Variants in PHF23 observed in about 807,000 individuals in gnomAD.
The protein encoded by PHF23 is PDH-containing protein JUNE-1.
Under a neutral mutation model 36.0 loss-of-function variants are expected in PHF23, and 3 were observed. The ratio of observed to expected loss-of-function variants is 0.08; its 90% CI spans 0.04 to 0.22. The LOEUF is 0.22. Ranked by LOEUF, PHF23 falls within the 10% of genes least tolerant of loss-of-function variation. The pLI is 1.00. For synonymous variants in PHF23, 242 were observed against 192.5 expected, an observed-to-expected ratio of 1.26 and a Z score of -2.13; for missense variants, 475 against 513.6, an observed-to-expected ratio of 0.92 and a Z score of 0.73.
chr17:7,237,205 C>T (rs758095245), intron 3 of PHF23, among the ~76,000 whole-genome samples, 180 bp downstream of exon 3: 4 of 152,288 alleles, frequency 2.6e-5, no homozygotes, highest in African/African-American at 4.8e-5. Flanking sequence ...CTAGCTATCC[C>T]GGCCATCCAC....
At chr17:7,237,528 G>C (rs1488539166) in intron 2 of PHF23, 51 bp from the exon 3 acceptor site, 1 of 1,606,094 alleles carries the variant, frequency 6.2e-7, no homozygotes, top group Non-Finnish European at 8.5e-7. Flanking sequence ...GTTTAAGAAT[G>C]GCATTCCCAG....
chr17:7,240,562 A>C (rs908278014), upstream of PHF23: 2 of 317,354 alleles, frequency 6.3e-6, no homozygotes, highest in Non-Finnish European at 1.2e-5. Context: ...CAGAAAGGGA[A>C]CAGAAACCAA....
Position 7,236,423 on chromosome 17 carries a change from G to A in PHF23, c.504C>T (p.Pro168=). 3.1e-6 allele frequency: 5 copies of A among 1,613,728 alleles called. No homozygotes were observed. The highest frequency in any genetic ancestry group is 4.2e-6 in the Non-Finnish European group (5 of 1,179,920). The change falls in exon 4 of 5, where the codon CCC becomes CCT. Residue 168 remains proline (P), a synonymous_variant. Coordinates refer to ENST00000320316, the MANE Select transcript of PHF23 (RefSeq NM_024297.3). This position sits in a 1 kb window ranked among gnomAD's most constrained non-coding sequence, Gnocchi z 5.1. ...SRPPAALTPV[P]LSQGDLSHPP... is the part of the protein sequence containing the mutation. Reference sequence around the variant, plus strand: ...GATGGGAGAGGTCCCCCTGGGAAAGGGGCACGGGGGTAAGAGCAGCAGGGG... The same window carrying A: ...GATGGGAGAGGTCCCCCTGGGAAAGAGGCACGGGGGTAAGAGCAGCAGGGG...
Position 7,237,439 on chromosome 17 carries a change from G to A in PHF23, c.105C>T (p.Asn35=), listed in dbSNP as rs1212375244. The A allele has an allele frequency of 1.9e-6, 3 of 1,614,004 alleles. No individual in the cohort carries two copies. Among genetic ancestry groups the A allele is most frequent in the Non-Finnish European group, 2.5e-6 (3 of 1,180,002 alleles). ...EKRRRTIEDF[N]KFCSFVLAYA... ...ATGCCAAAACAAAACTGCAGAATTT[G>A]TTGAAATCCTCAATTGTTCTCCGCC... Residue 35 remains asparagine, a synonymous_variant, in exon 3 of 5, where the codon AAC becomes AAT. Transcript: ENST00000320316.
chr17:7,235,894 A>T, intron 4 of PHF23, 36 bp downstream of exon 4: 1 of 1,612,464 alleles, frequency 6.2e-7, no homozygotes, highest in Non-Finnish European at 8.5e-7. Flanking sequence ...GATCCACAAC[A>T]CCCTCAAACC....
Position 7,236,560 on chromosome 17 carries a change from C to A in PHF23, c.367G>T (p.Asp123Tyr), listed in dbSNP as rs763497608. 6.2e-7 allele frequency: 1 copy of A among 1,614,034 alleles called. No homozygotes were observed. Among genetic ancestry groups the A allele is most frequent in the Non-Finnish European group, 8.5e-7 (1 of 1,180,046 alleles). The change falls in exon 4 of 5, where the codon GAC becomes TAC. Residue 123 changes from aspartate (D) to tyrosine (Y), a missense_variant. By Grantham distance (160) the Asp-to-Tyr change is radical (BLOSUM62 -3). This residue lies in a region of PHF23 where 350 missense variants were observed against 319.8 expected (regional missense o/e 1.09). Transcript: ENST00000320316. This position sits in a 1 kb window ranked among gnomAD's most constrained non-coding sequence, Gnocchi z 5.1. Reference sequence around the variant, plus strand: ...ATCTTCTCAAGCAAGGTAGCACTGTCGGGGGCCTGCAGACGAGAGAAAGTG... The same window carrying A: ...ATCTTCTCAAGCAAGGTAGCACTGTAGGGGGCCTGCAGACGAGAGAAAGTG... ...RSTFSRLQAP[D>Y]SATLLEKMKL...
In PHF23 at chr17:7,236,599, C is replaced by T; in HGVS notation, c.328G>A (p.Gly110Arg). 3 of 1,614,186 alleles carry T rather than the reference C, an allele frequency of 1.9e-6. No homozygotes were observed. Among genetic ancestry groups the T allele is most frequent in the South Asian group, 1.1e-5 (1 of 91,084 alleles). ...RAAQAGPTQP[G>R]PPRSTFSRLQ... The stretch of plus-strand genomic sequence containing the variant: ...CGAGAGAAAGTGGACCTTGGGGGTC[C>T]TGGCTGGGTGGGACCTGCTTGAGCT... Residue 110 changes from glycine (G) to arginine (R), a missense_variant, in exon 4 of 5, where the codon GGA becomes AGA. Coordinates refer to ENST00000320316, the MANE Select transcript of PHF23 (RefSeq NM_024297.3). This position sits in a 1 kb window ranked among gnomAD's most constrained non-coding sequence, Gnocchi z 5.1.
Position 7,236,252 on chromosome 17 carries a change from CTTT to C in PHF23, c.672_674del (p.Lys225del), listed in dbSNP as rs745356125. 27 of 1,613,566 alleles carry C rather than the reference CTTT, an allele frequency of 1.7e-5. No individual in the cohort carries two copies. The highest frequency in any genetic ancestry group is 6.7e-5 in the Admixed American group (4 of 59,954). On this transcript the variant is annotated inframe_deletion, in exon 4 of 5. Coordinates refer to ENST00000320316, the MANE Select transcript of PHF23 (RefSeq NM_024297.3). The surrounding 1 kb of genome is among the most constrained non-coding windows in gnomAD (Gnocchi z 5.1). ...GTGGGAGTCTATCCCCCCGTTCTGCCTTTTTTAACTTCCGCTTCTTGCTCTTCT... is the reference window on the plus strand; with the variant it reads ...GTGGGAGTCTATCCCCCCGTTCTGCCTTTAACTTCCGCTTCTTGCTCTTCT...
chr17:7,237,884 C>T (rs914461407), intron 1 of PHF23: 9 of 574,320 alleles, frequency 1.6e-5, no homozygotes, highest in Non-Finnish European at 2.8e-5. Context: ...CGCTCCCCTT[C>T]CCCCAACCGG....
At chr17:7,238,858 C>T (rs1281707042) in intron 1 of PHF23, 2 of 1,534,168 alleles carry the variant, frequency 1.3e-6, no homozygotes, top group African/African-American at 2.8e-5. Context: ...CAAACTACCC[C>T]ACCTCGGCGA....
upstream of PHF23, chr17:7,239,516 C>T (rs2071750347): frequency 3.7e-6 from 1 of 269,754 alleles, no homozygotes; most frequent in Non-Finnish European, 7.1e-6. Flanking sequence ...TCCTCCTCCT[C>T]CACCTCCTCT....
At chr17:7,240,828 C>T (rs1327359091), upstream of PHF23, 1 of 1,548,584 alleles carries the variant, frequency 6.5e-7, no homozygotes, top group Non-Finnish European at 8.9e-7. Flanking sequence ...AGAATGAGAC[C>T]CCCCTCCAGC....
chr17:7,236,402 G>A lies in PHF23; in HGVS notation c.525C>T (p.Ser175=). ...TTCGGTCCTTCTTTCGAGGAGGATGGGAGAGGTCCCCCTGGGAAAGGGGCA... is the reference window on the plus strand; with the variant it reads ...TTCGGTCCTTCTTTCGAGGAGGATGAGAGAGGTCCCCCTGGGAAAGGGGCA... ...TPVPLSQGDL[S]HPPRKKDRKN... The change falls in exon 4 of 5, where the codon TCC becomes TCT. Residue 175 remains serine (S), a synonymous_variant. Coordinates refer to ENST00000320316, the MANE Select transcript of PHF23 (RefSeq NM_024297.3). The surrounding 1 kb of genome is among the most constrained non-coding windows in gnomAD (Gnocchi z 5.1). 6.2e-7 allele frequency: 1 copy of A among 1,613,982 alleles called. No individual in the cohort carries two copies. The highest frequency in any genetic ancestry group is 8.5e-7 in the Non-Finnish European group (1 of 1,180,012).
At chr17:7,237,923 C>A (rs1433566957) in intron 1 of PHF23, 2 of 518,112 alleles carry the variant, frequency 3.9e-6, no homozygotes, top group East Asian at 6.9e-5. Flanking sequence ...CCCCAACTCA[C>A]GGTCTCTCTC....
In PHF23 at chr17:7,236,874, C is replaced by T. The variant is rs1031053559; in HGVS notation, c.160-107G>A. The T allele has an allele frequency of 1.4e-6, 2 of 1,471,118 alleles. No homozygotes were observed. Among genetic ancestry groups the T allele is most frequent in the Non-Finnish European group, 8.9e-7 (1 of 1,121,054 alleles). 91.1% of individuals were successfully genotyped at this position (1,471,118 alleles called of 1,614,324 possible). ...ACTGGATTTACCCCAAAATGTCCTA[C>T]CTCAACCACTAAATCCCACTGTACT... On this transcript the variant is annotated intron_variant, in intron 3 of 4. Coordinates refer to ENST00000320316, the MANE Select transcript of PHF23 (RefSeq NM_024297.3). The surrounding 1 kb of genome is among the most constrained non-coding windows in gnomAD (Gnocchi z 5.1).
intron 1 of PHF23, chr17:7,238,747 TA>T (rs2071734296): frequency 6.7e-7 from 1 of 1,495,934 alleles, no homozygotes; most frequent in African/African-American, 1.5e-5. Context: ...CCGTAGACAA[TA>T]CCCAGACCCC....
chr17:7,236,084 A>C lies in PHF23; in HGVS notation c.843T>G (p.Ala281=), dbSNP rs2071653448. The C allele has an allele frequency of 2.5e-6, 4 of 1,613,328 alleles. No individual in the cohort carries two copies. The African/African-American group carries it at 4.0e-5, about 16-fold the overall frequency. ...PVPVLPTPPE[A]PRPPATVHPE... ...GGTGCACTGTGGCAGGGGGCCTAGG[A>C]GCCTCAGGGGGTGTTGGCAGCACAG... Residue 281 remains alanine, a synonymous_variant, in exon 4 of 5, where the codon GCT becomes GCG. Coordinates refer to ENST00000320316, the MANE Select transcript of PHF23 (RefSeq NM_024297.3). The surrounding 1 kb of genome is among the most constrained non-coding windows in gnomAD (Gnocchi z 5.1).
chr17:7,238,177 C>G (rs955701960), intron 1 of PHF23: 31 of 163,702 alleles, frequency 1.9e-4, no homozygotes, highest in Non-Finnish European at 3.8e-4. Flanking sequence ...AGCACGCGGC[C>G]CGGCGCGCCC....
Position 7,236,000 on chromosome 17 carries a change from G to A in PHF23, c.927C>T (p.Ser309=), listed in dbSNP as rs1276138257. ...CACTGGAGCTGGCATCTCCATCTTGGCTTGTTTCAGTGCTGCCCACCTCCT... is the reference window on the plus strand; with the variant it reads ...CACTGGAGCTGGCATCTCCATCTTGACTTGTTTCAGTGCTGCCCACCTCCT... The part of the protein sequence containing the change: ...ESKEVGSTET[S]QDGDASSSEG... The change falls in exon 4 of 5, where the codon AGC becomes AGT. Residue 309 remains serine, a synonymous_variant. Coordinates refer to ENST00000320316, the MANE Select transcript of PHF23 (RefSeq NM_024297.3). The A allele has an allele frequency of 6.2e-7, 1 of 1,613,658 alleles. No homozygotes were observed. Among genetic ancestry groups the A allele is most frequent in the Non-Finnish European group, 8.5e-7 (1 of 1,179,798 alleles).
Sources: allele counts gnomAD v4.1 joint callset (sites outside exome capture counted in the v4.1 genomes callset), GRCh38; gene constraint gnomAD v4.1.1; regional missense constraint gnomAD v4.1.1; non-coding constraint Gnocchi (gnomAD v3.1); transcripts MANE v1.5; gene names NCBI Gene and HGNC (gene_info 2026-07-23, HGNC 2026-07-21).